ANP32D: variants seen among roughly 807,000 people sequenced by gnomAD.
The protein encoded by ANP32D is acidic leucine-rich nuclear phosphoprotein 32 family member D.
Under a neutral mutation model 7.8 loss-of-function variants are expected in ANP32D, and 6 were observed. The observed-to-expected ratio is 0.77, with a 90% CI of 0.42 to 1.52. The LOEUF (loss-of-function observed/expected upper bound fraction) is 1.52. Among genes scored for constraint, ANP32D ranks in the 40% most tolerant of loss-of-function variants. The pLI, the probability that ANP32D is intolerant of heterozygous loss-of-function variation, is 0.01. For synonymous variants in ANP32D, 69 were observed against 59.7 expected (o/e 1.16, Z -0.72); for missense variants, 163 against 145.9 (o/e 1.12, Z -0.60).
In ANP32D at chr12:48,473,240, G is replaced by C; in HGVS notation, c.*180G>C. ...AGGTAATGGAAGATGAGGAGGACGA[G>C]GATGAGGAGGAGGAACGTGAAGAGG... On this transcript the variant is annotated 3_prime_UTR_variant, in exon 1 of 1. Coordinates refer to ENST00000266594, the MANE Select transcript of ANP32D (RefSeq NM_012404.3). The C allele has an allele frequency of 1.8e-6, 2 of 1,127,936 alleles. No homozygotes were observed. The highest frequency in any genetic ancestry group is 2.7e-6 in the Non-Finnish European group (2 of 752,790). 69.9% of individuals were successfully genotyped at this position (1,127,936 alleles called of 1,614,324 possible). A position where few individuals can be genotyped will look rare whatever the true frequency, so the allele number is the denominator to read the frequency against.
Position 48,472,579 on chromosome 12 carries a change from T to G in ANP32D, c.-86T>G. ...TTTCGGAGAACCCAGCAGAGCTGGT[T>G]GAGCTTTCAAATGTGCGGTTGTGGG... On this transcript the variant is annotated 5_prime_UTR_variant, in exon 1 of 1. Transcript: ENST00000266594. 4.5e-5 allele frequency: 68 copies of G among 1,524,452 alleles called. No individual in the cohort carries two copies. The highest frequency in any genetic ancestry group is 5.4e-5 in the Non-Finnish European group (60 of 1,119,784). The allele number at this position is 1,524,452 out of a possible 1,614,324, so 94.4% of individuals were successfully genotyped here.
chr12:48,473,033 C>T lies in ANP32D; in HGVS notation c.369C>T (p.Cys123=), dbSNP rs780187865. 8.3e-5 allele frequency: 134 copies of T among 1,613,992 alleles called. No homozygotes were observed. The highest frequency in any genetic ancestry group is 1.8e-4 in the Admixed American group (11 of 59,984). The change falls in exon 1 of 1, where the codon TGC becomes TGT. Residue 123 remains cysteine, a synonymous_variant. Transcript: ENST00000266594. The part of the protein sequence containing the change: ...ENLESLDLFT[C]EVTNLNNY ...TCGAGAGCTTAGACCTTTTCACTTGCGAGGTAACCAACCTGAACAACTACT... is the reference window on the plus strand; with the variant it reads ...TCGAGAGCTTAGACCTTTTCACTTGTGAGGTAACCAACCTGAACAACTACT...
Position 48,473,256 on chromosome 12 carries a change from C to T in ANP32D, c.*196C>T, listed in dbSNP as rs4760709. ...GGAGGACGAGGATGAGGAGGAGGAA[C>T]GTGAAGAGGAGGACGTGAGTGGAGA... On this transcript the variant is annotated 3_prime_UTR_variant, in exon 1 of 1. Coordinates refer to ENST00000266594, the MANE Select transcript of ANP32D (RefSeq NM_012404.3). The T allele has an allele frequency of 0.12, 134,620 of 1,083,966 alleles. 17,934 individuals carry two copies. Among genetic ancestry groups the T allele is most frequent in the East Asian group, 0.63 (24,773 of 39,506 alleles). 67.1% of individuals were successfully genotyped at this position (1,083,966 alleles called of 1,614,324 possible). A position where few individuals can be genotyped will look rare whatever the true frequency, so the allele number is the denominator to read the frequency against.
chr12:48,473,014 G>T lies in ANP32D; in HGVS notation c.350G>T (p.Ser117Ile), dbSNP rs1954093084. ...EPLKKLENLE[S>I]LDLFTCEVTN... ...CTGAAAAAGTTAGAAAACCTCGAGA[G>T]CTTAGACCTTTTCACTTGCGAGGTA... The change falls in exon 1 of 1, where the codon AGC (serine) becomes ATC (isoleucine). Residue 117 changes from serine (S) to isoleucine (I), a missense_variant. Transcript: ENST00000266594. The T allele has an allele frequency of 1.9e-6, 3 of 1,614,144 alleles. No individual in the cohort carries two copies. The East Asian group carries it at 6.7e-5, about 36-fold the overall frequency.
chr12:48,473,180 G>A lies in ANP32D; in HGVS notation c.*120G>A. On this transcript the variant is annotated 3_prime_UTR_variant, in exon 1 of 1. Coordinates refer to ENST00000266594, the MANE Select transcript of ANP32D (RefSeq NM_012404.3). ...TGGAGTGCCTGGATGACAAGGAGGA[G>A]GATGAGGATGAGGAGGAGTATGATG... is the stretch of plus-strand genomic sequence containing the variant. 1 of 1,401,908 alleles carries A rather than the reference G, an allele frequency of 7.1e-7. No homozygotes were observed. Among genetic ancestry groups the A allele is most frequent in the South Asian group, 1.2e-5 (1 of 85,908 alleles). 86.8% of individuals were successfully genotyped at this position (1,401,908 alleles called of 1,614,324 possible).
chr12:48,472,616 T>C lies in ANP32D; in HGVS notation c.-49T>C. On this transcript the variant is annotated 5_prime_UTR_variant, in exon 1 of 1. Coordinates refer to ENST00000266594, the MANE Select transcript of ANP32D (RefSeq NM_012404.3). ...TGTGCGGTTGTGGGTTCGGGGTTTA[T>C]TGGTTGAATTCCGCTGGCTCAGGAG... 3 of 1,607,412 alleles carry C rather than the reference T, an allele frequency of 1.9e-6. No individual in the cohort carries two copies. The highest frequency in any genetic ancestry group is 2.2e-5 in the East Asian group (1 of 44,838).
In ANP32D at chr12:48,473,480, C is replaced by G. The variant is rs1471537177; in HGVS notation, c.*420C>G. On this transcript the variant is annotated 3_prime_UTR_variant, in exon 1 of 1. Coordinates refer to ENST00000266594, the MANE Select transcript of ANP32D (RefSeq NM_012404.3). ...CTGTTTTTAGCCGTATCCCCTCCCC[C>G]ACTCCAATCCTGCCCCCTGAAACTT... 2.2e-6 allele frequency: 1 copy of G among 452,522 alleles called. No homozygotes were observed. Among genetic ancestry groups the G allele is most frequent in the Non-Finnish European group, 4.1e-6 (1 of 243,818 alleles). The allele number at this position is 452,522 out of a possible 1,614,324, so 28.0% of individuals were successfully genotyped here. A position where few individuals can be genotyped will look rare whatever the true frequency, so the allele number is the denominator to read the frequency against.
chr12:48,472,844 G>A lies in ANP32D; in HGVS notation c.180G>A (p.Leu60=). 3 of 1,613,988 alleles carry A rather than the reference G, an allele frequency of 1.9e-6. No homozygotes were observed. Among genetic ancestry groups the A allele is most frequent in the Non-Finnish European group, 2.5e-6 (3 of 1,179,982 alleles). The change falls in exon 1 of 1, where the codon TTG becomes TTA. Residue 60 remains leucine, a synonymous_variant. Coordinates refer to ENST00000266594, the MANE Select transcript of ANP32D (RefSeq NM_012404.3). ...INIGLTSIAN[L]PKLNKLKKLE... is the part of the protein sequence containing the mutation. ...TAGGCCTCACCTCAATTGCAAACTTGCCAAAGTTAAACAAACTTAAGAAGC... is the reference window on the plus strand; with the variant it reads ...TAGGCCTCACCTCAATTGCAAACTTACCAAAGTTAAACAAACTTAAGAAGC...
Position 48,473,065 on chromosome 12 carries a change from A to G in ANP32D, c.*5A>G. ...ACCAACCTGAACAACTACTGAGAAA[A>G]GATGTTCAAGCTCCTCCTGCAACTC... On this transcript the variant is annotated 3_prime_UTR_variant, in exon 1 of 1. Coordinates refer to ENST00000266594, the MANE Select transcript of ANP32D (RefSeq NM_012404.3). The G allele has an allele frequency of 6.2e-7, 1 of 1,614,062 alleles. No individual in the cohort carries two copies.
Position 48,472,592 on chromosome 12 carries a change from G to A in ANP32D, c.-73G>A, listed in dbSNP as rs747869277. 3.1e-5 allele frequency: 49 copies of A among 1,570,074 alleles called. 1 individual carries two copies. The highest frequency in any genetic ancestry group is 6.8e-5 in the African/African-American group (5 of 73,304). On this transcript the variant is annotated 5_prime_UTR_variant, in exon 1 of 1. In the 5' UTR this introduces an upstream ATG that the reference lacks. Coordinates refer to ENST00000266594, the MANE Select transcript of ANP32D (RefSeq NM_012404.3). Reference sequence around the variant, plus strand: ...AGCAGAGCTGGTTGAGCTTTCAAATGTGCGGTTGTGGGTTCGGGGTTTATT... The same window carrying A: ...AGCAGAGCTGGTTGAGCTTTCAAATATGCGGTTGTGGGTTCGGGGTTTATT...
rs1191343825 is a variant in ANP32D at position 48,473,605 on chromosome 12, A to C, written c.*545A>C. The C allele has an allele frequency of 3.7e-6, 1 of 272,470 alleles. No homozygotes were observed. Among genetic ancestry groups the C allele is most frequent in the African/African-American group, 2.2e-5 (1 of 44,838 alleles). The allele number at this position is 272,470 out of a possible 1,614,324, so 16.9% of individuals were successfully genotyped here. On this transcript the variant is annotated 3_prime_UTR_variant, in exon 1 of 1. Coordinates refer to ENST00000266594, the MANE Select transcript of ANP32D (RefSeq NM_012404.3). ...GGAGGAGGGGGTGGAATAAAATACT[A>C]TTTTTACTGCCACTCTTTATTTTTT...
In ANP32D at chr12:48,473,553, G is replaced by A. The variant is rs1954101670; in HGVS notation, c.*493G>A. ...GCTGTGGGAGCAAGAGAGGAAAAGTGTACTGGGGGTTGTGAGGGAAGGGAG... is the reference window on the plus strand; with the variant it reads ...GCTGTGGGAGCAAGAGAGGAAAAGTATACTGGGGGTTGTGAGGGAAGGGAG... On this transcript the variant is annotated 3_prime_UTR_variant, in exon 1 of 1. Transcript: ENST00000266594. 3.0e-6 allele frequency: 1 copy of A among 332,006 alleles called. No homozygotes were observed. 20.6% of individuals were successfully genotyped at this position (332,006 alleles called of 1,614,324 possible).
In ANP32D at chr12:48,473,135, C is replaced by T; in HGVS notation, c.*75C>T. The T allele has an allele frequency of 3.1e-6, 5 of 1,605,816 alleles. No homozygotes were observed. The highest frequency in any genetic ancestry group is 3.3e-5 in the Admixed American group (2 of 59,878). Reference sequence around the variant, plus strand: ...ACCCGGATGACAAGGAGGCCCCTAACTCGGATGGTGAGGGCTTTGTGGAGT... The same window carrying T: ...ACCCGGATGACAAGGAGGCCCCTAATTCGGATGGTGAGGGCTTTGTGGAGT... On this transcript the variant is annotated 3_prime_UTR_variant, in exon 1 of 1. Transcript: ENST00000266594.
Position 48,473,070 on chromosome 12 carries a change from T to C in ANP32D, c.*10T>C, listed in dbSNP as rs775313548. On this transcript the variant is annotated 3_prime_UTR_variant, in exon 1 of 1. Coordinates refer to ENST00000266594, the MANE Select transcript of ANP32D (RefSeq NM_012404.3). Reference sequence around the variant, plus strand: ...CCTGAACAACTACTGAGAAAAGATGTTCAAGCTCCTCCTGCAACTCACATA... The same window carrying C: ...CCTGAACAACTACTGAGAAAAGATGCTCAAGCTCCTCCTGCAACTCACATA... The C allele has an allele frequency of 6.2e-7, 1 of 1,614,050 alleles. No individual in the cohort carries two copies. Among genetic ancestry groups the C allele is most frequent in the Admixed American group, 1.7e-5 (1 of 59,994 alleles).
In ANP32D at chr12:48,473,261, AGAG is replaced by A. The variant is rs762664581; in HGVS notation, c.*207_*209del. 4 of 1,083,040 alleles carry A rather than the reference AGAG, an allele frequency of 3.7e-6. No individual in the cohort carries two copies. The highest frequency in any genetic ancestry group is 2.0e-4 in the Middle Eastern group (1 of 5,068). 67.1% of individuals were successfully genotyped at this position (1,083,040 alleles called of 1,614,324 possible). On this transcript the variant is annotated 3_prime_UTR_variant, in exon 1 of 1. Coordinates refer to ENST00000266594, the MANE Select transcript of ANP32D (RefSeq NM_012404.3). ...ACGAGGATGAGGAGGAGGAACGTGA[AGAG>A]GAGGACGTGAGTGGAGACGAGGAGG...
chr12:48,472,813 T>C lies in ANP32D; in HGVS notation c.149T>C (p.Ile50Thr). 6.2e-7 allele frequency: 1 copy of C among 1,614,152 alleles called. No individual in the cohort carries two copies. Among genetic ancestry groups the C allele is most frequent in the Non-Finnish European group, 8.5e-7 (1 of 1,180,006 alleles). Reference sequence around the variant, plus strand: ...GAAGAACTGGAATTATTAAATACAATCAACATAGGCCTCACCTCAATTGCA... The same window carrying C: ...GAAGAACTGGAATTATTAAATACAACCAACATAGGCCTCACCTCAATTGCA... Reference protein sequence around the residue: ...EFEELELLNTINIGLTSIANL... With the variant: ...EFEELELLNTTNIGLTSIANL... The change falls in exon 1 of 1, where the codon ATC becomes ACC. Residue 50 changes from isoleucine to threonine, a missense_variant. Transcript: ENST00000266594.
At position 48,473,018 on chromosome 12, in the gene ANP32D, A is replaced by G. The variant is rs2137075495; in HGVS notation, c.354A>G (p.Leu118=). ...AAAAGTTAGAAAACCTCGAGAGCTT[A>G]GACCTTTTCACTTGCGAGGTAACCA... ...PLKKLENLES[L]DLFTCEVTNL... The change falls in exon 1 of 1, where the codon TTA becomes TTG. Residue 118 remains leucine, a synonymous_variant. Transcript: ENST00000266594. The G allele has an allele frequency of 1.2e-6, 2 of 1,614,188 alleles. No homozygotes were observed. The highest frequency in any genetic ancestry group is 1.3e-5 in the African/African-American group (1 of 75,052).
rs749024006 is a variant in ANP32D at position 48,473,073 on chromosome 12, A to G, written c.*13A>G. 4 of 1,614,014 alleles carry G rather than the reference A, an allele frequency of 2.5e-6. No individual in the cohort carries two copies. The highest frequency in any genetic ancestry group is 3.4e-6 in the Non-Finnish European group (4 of 1,180,028). On this transcript the variant is annotated 3_prime_UTR_variant, in exon 1 of 1. Transcript: ENST00000266594. ...GAACAACTACTGAGAAAAGATGTTC[A>G]AGCTCCTCCTGCAACTCACATATCT...
In ANP32D at chr12:48,472,625, T is replaced by G; in HGVS notation, c.-40T>G. The G allele has an allele frequency of 6.2e-7, 1 of 1,610,582 alleles. No homozygotes were observed. Among genetic ancestry groups the G allele is most frequent in the East Asian group, 2.2e-5 (1 of 44,860 alleles). On this transcript the variant is annotated 5_prime_UTR_variant, in exon 1 of 1. Coordinates refer to ENST00000266594, the MANE Select transcript of ANP32D (RefSeq NM_012404.3). ...GTGGGTTCGGGGTTTATTGGTTGAA[T>G]TCCGCTGGCTCAGGAGCCTCTGCAG... is the stretch of plus-strand genomic sequence containing the variant.
Sources: allele counts gnomAD v4.1 joint callset, GRCh38; gene constraint gnomAD v4.1.1; transcripts MANE v1.5; gene names NCBI Gene and HGNC (gene_info 2026-07-23, HGNC 2026-07-21).